The following TCF7L1 variants were observed in gnomAD, a reference collection of about 807,000 sequenced individuals.
The protein encoded by TCF7L1 is transcription factor 7 like 1.
TCF7L1 carries 18 observed loss-of-function variants against 63.7 expected under a neutral mutation model. The ratio of observed to expected loss-of-function variants is 0.28; its 90% CI spans 0.20 to 0.42. The LOEUF (loss-of-function observed/expected upper bound fraction) is 0.42, where lower values mean the gene tolerates loss of function less well. Ranked by LOEUF, TCF7L1 falls within the 10% of genes least tolerant of loss-of-function variation. The pLI, the probability that TCF7L1 is intolerant of heterozygous loss-of-function variation, is 1.00. For synonymous variants in TCF7L1, 355 were observed against 340.9 expected (o/e 1.04, Z -0.46); for missense variants, 654 against 779.3 (o/e 0.84, Z 1.91).
intron 3 of TCF7L1, among the ~76,000 whole-genome samples, chr2:85,185,903 C>T (rs1438858393): frequency 1.3e-5 from 2 of 151,066 alleles, no homozygotes; most frequent in Admixed American, 6.6e-5. Context: ...CTTAGATCCT[C>T]GGAGCAGCCT....
intron 3 of TCF7L1, among the ~76,000 whole-genome samples, chr2:85,174,775 A>G (rs112154843): frequency 3.9e-5 from 6 of 152,156 alleles, no homozygotes; most frequent in East Asian, 1.9e-4. Context: ...TTCGCAGTCT[A>G]TGCCCAGGGC....
chr2:85,215,761 T>TGGGGGGGGGGGG (rs1679686440), intron 3 of TCF7L1, among the ~76,000 whole-genome samples: 1 of 2,030 alleles, frequency 4.9e-4, no homozygotes, highest in Admixed American at 4.6e-3. Context: ...GCTGCTGGGG[T>TGGGGGGGGGGGG]GGGGGTGGGG....
chr2:85,214,264 G>A (rs558605101), intron 3 of TCF7L1, among the ~76,000 whole-genome samples: 113 of 152,332 alleles, frequency 7.4e-4, no homozygotes, highest in African/African-American at 2.5e-3. Context: ...TACCAGATTC[G>A]ATTACCGGGT....
rs1226319720 is a variant in TCF7L1 at position 85,309,454 on chromosome 2, G to A, written c.1759G>A (p.Ala587Thr). Residue 587 changes from alanine (A) to threonine (T), a missense_variant, in exon 12 of 12, where the codon GCC becomes ACC. Coordinates refer to ENST00000282111, the MANE Select transcript of TCF7L1 (RefSeq NM_031283.3). Reference sequence around the variant, plus strand: ...GCCTCTTTCCCTGGTCACCAAGTCTGCCCACTAAGCTCCCCCCGACCCCTG... The same window carrying A: ...GCCTCTTTCCCTGGTCACCAAGTCTACCCACTAAGCTCCCCCCGACCCCTG... ...AQPLSLVTKS[A>T]H The A allele has an allele frequency of 6.6e-7, 1 of 1,521,770 alleles. No homozygotes were observed. The highest frequency in any genetic ancestry group is 8.8e-7 in the Non-Finnish European group (1 of 1,135,602). The allele number at this position is 1,521,770 out of a possible 1,614,324, so 94.3% of individuals were successfully genotyped here.
At chr2:85,234,249 C>T (rs1394656144) in intron 3 of TCF7L1, among the ~76,000 whole-genome samples, 1 of 151,210 alleles carries the variant, frequency 6.6e-6, no homozygotes, top group Non-Finnish European at 1.5e-5. Context: ...GATTCTCCTG[C>T]CTCAGCCTCT....
intron 3 of TCF7L1, among the ~76,000 whole-genome samples, chr2:85,282,026 C>T (rs551470637): frequency 9.9e-5 from 15 of 152,158 alleles, no homozygotes; most frequent in African/African-American, 1.2e-4. Flanking sequence ...CTCACTCTGT[C>T]GTCCAGGCTG....
In TCF7L1 at chr2:85,240,995, T is replaced by A. The variant is rs147122702; in HGVS notation, c.442-42500T>A. Reference sequence around the variant, plus strand: ...ATGGAAATATTAAATCTGTGCCTTTTGTTTTTGTTTTTAAGGAAATGGAGA... The same window carrying A: ...ATGGAAATATTAAATCTGTGCCTTTAGTTTTTGTTTTTAAGGAAATGGAGA... On this transcript the variant is annotated intron_variant, in intron 3 of 11. Coordinates refer to ENST00000282111, the MANE Select transcript of TCF7L1 (RefSeq NM_031283.3). Among the ~76,000 whole-genome samples, 38 of 152,310 alleles carry A rather than the reference T, an allele frequency of 2.5e-4. 1 individual carries two copies. In the East Asian group the frequency reaches 7.3e-3, roughly 29 times the overall value.
intron 3 of TCF7L1, among the ~76,000 whole-genome samples, chr2:85,195,598 G>C (rs947702736): frequency 7.9e-5 from 12 of 151,930 alleles, no homozygotes; most frequent in African/African-American, 1.2e-4. Context: ...CCAAGCTAGA[G>C]TGCAGTGATG....
chr2:85,295,589 T>C (rs1681823625), intron 4 of TCF7L1, among the ~76,000 whole-genome samples: 1 of 152,132 alleles, frequency 6.6e-6, no homozygotes. Context: ...CACACATTTT[T>C]CCCCTGGGCT....
At chr2:85,172,873 C>T (rs1183263672) in intron 3 of TCF7L1, among the ~76,000 whole-genome samples, 1 of 152,126 alleles carries the variant, frequency 6.6e-6, no homozygotes, top group East Asian at 1.9e-4. Context: ...CCCTCTTCAC[C>T]CCTCTCCTGG....
intron 3 of TCF7L1, among the ~76,000 whole-genome samples, chr2:85,210,745 G>A (rs1267894668): frequency 6.6e-6 from 1 of 152,196 alleles, no homozygotes; most frequent in Admixed American, 6.5e-5. Context: ...CATTTCCGGA[G>A]TACTTGCCAT....
chr2:85,195,806 C>G (rs892232756), intron 3 of TCF7L1, among the ~76,000 whole-genome samples: 7 of 151,906 alleles, frequency 4.6e-5, no homozygotes, highest in Non-Finnish European at 1.0e-4. Flanking sequence ...CTCGGCCTCC[C>G]AAAGTGCTGG....
chr2:85,163,218 A>G (rs888092555), intron 3 of TCF7L1, among the ~76,000 whole-genome samples: 3 of 152,274 alleles, frequency 2.0e-5, no homozygotes, highest in South Asian at 2.1e-4. Flanking sequence ...GGAATTTTCT[A>G]AAAGCTCCCC....
chr2:85,266,107 T>G (rs1680966469), intron 3 of TCF7L1, among the ~76,000 whole-genome samples: 1 of 152,356 alleles, frequency 6.6e-6, no homozygotes, highest in African/African-American at 2.4e-5. Context: ...GTAAACACCT[T>G]TCTGTTTCTG....
intron 3 of TCF7L1, among the ~76,000 whole-genome samples, chr2:85,184,331 G>A (rs1272533412): frequency 2.0e-5 from 3 of 152,168 alleles, no homozygotes; most frequent in African/African-American, 7.2e-5. Context: ...ACCAGGCCTG[G>A]TATCAGAGCT....
chr2:85,240,438 C>T (rs746627632), intron 3 of TCF7L1, among the ~76,000 whole-genome samples: 3 of 152,056 alleles, frequency 2.0e-5, no homozygotes, highest in African/African-American at 4.8e-5. Flanking sequence ...TAACAGTTCC[C>T]GTGTTAGAGG....
rs537275955 is a variant in TCF7L1, at chr2:85,273,500, A to G, written c.442-9995A>G. Among the ~76,000 whole-genome samples, 8 of 152,344 alleles carry G rather than the reference A, an allele frequency of 5.3e-5. No homozygotes were observed. In the South Asian group the frequency reaches 8.3e-4, roughly 16 times the overall value. On this transcript the variant is annotated intron_variant, in intron 3 of 11. Transcript: ENST00000282111. ...TACCTGTCAGTTTGGCAAAGTTTAA[A>G]CAGTTTGATAACCTTGTATGGGCAA...
At chr2:85,262,041 A>G (rs1680868311) in intron 3 of TCF7L1, 1 of 530,586 alleles carries the variant, frequency 1.9e-6, no homozygotes, top group African/African-American at 1.9e-5. Flanking sequence ...GATCATTTCT[A>G]GCTGGAGACA....
chr2:85,168,907 C>T (rs1678482771), intron 3 of TCF7L1, among the ~76,000 whole-genome samples: 1 of 152,114 alleles, frequency 6.6e-6, no homozygotes, highest in Non-Finnish European at 1.5e-5. Context: ...AGGTGTGAAA[C>T]ACCGCACCCA....
Sources: gnomAD v4.1 joint callset for allele counts (sites outside exome capture counted in the v4.1 genomes callset) on GRCh38, gnomAD v4.1.1 for gene constraint, MANE v1.5 for transcripts, NCBI Gene and HGNC (gene_info 2026-07-23, HGNC 2026-07-21) for gene names.